The following ZFAND3 variants were observed in gnomAD, a reference collection of about 807,000 sequenced individuals.
ZFAND3 encodes zinc finger AN1-type containing 3.
In ZFAND3, 10 loss-of-function variants were observed where a neutral mutation model predicts 29.6. The observed-to-expected ratio is 0.34, with a 90% CI of 0.21 to 0.57. The LOEUF is 0.57. Among genes scored for constraint, ZFAND3 ranks in the 20% least tolerant of loss-of-function variants. The probability of loss-of-function intolerance (pLI) is 0.86; values close to 1 mark genes in which losing one functional copy is unlikely to be tolerated. For synonymous variants in ZFAND3, 128 were observed against 112.6 expected (o/e 1.14, Z -0.87); for missense variants, 230 against 304.5 (o/e 0.76, Z 1.82).
At position 37,949,417 on chromosome 6, in the gene ZFAND3, T is replaced by TG. The variant is rs71542152; in HGVS notation, c.112+19425dup. ...GAAAACTCCTGTGACCAAATGTGTG[T>TG]GGGGGGGTCTCTCCCCACCACCAAG... On this transcript the variant is annotated intron_variant, in intron 2 of 5. Transcript: ENST00000287218. Among the ~76,000 whole-genome samples, 12 of 152,020 alleles carry TG rather than the reference T, an allele frequency of 7.9e-5. 2 individuals carry two copies. The highest frequency in any genetic ancestry group is 3.9e-4 in the Admixed American group (6 of 15,268).
At chr6:38,129,830 G>C (rs1294589686) in intron 5 of ZFAND3, among the ~76,000 whole-genome samples, 2 of 151,432 alleles carry the variant, frequency 1.3e-5, no homozygotes, top group East Asian at 3.9e-4. Flanking sequence ...GTGAATTTTA[G>C]GATTGTTTTT....
At chr6:37,896,074 A>G (rs1445327406) in intron 1 of ZFAND3, among the ~76,000 whole-genome samples, 2 of 152,208 alleles carry the variant, frequency 1.3e-5, no homozygotes, top group African/African-American at 4.8e-5. Context: ...AGATGTCATC[A>G]TAATGGTTAT....
chr6:37,949,361 A>C (rs557662656), intron 2 of ZFAND3, among the ~76,000 whole-genome samples: 10 of 151,740 alleles, frequency 6.6e-5, no homozygotes, highest in Admixed American at 6.6e-4. Flanking sequence ...TTTTTCCTCT[A>C]CTCTCACACC....
intron 5 of ZFAND3, among the ~76,000 whole-genome samples, chr6:38,148,858 C>G (rs1231771861): frequency 6.6e-6 from 1 of 152,160 alleles, no homozygotes; most frequent in Non-Finnish European, 1.5e-5. Context: ...GACATAACTT[C>G]CTCTTAGTGA....
intron 4 of ZFAND3, among the ~76,000 whole-genome samples, chr6:38,086,468 A>G (rs1764759841): frequency 6.6e-6 from 1 of 152,204 alleles, no homozygotes; most frequent in African/African-American, 2.4e-5. Flanking sequence ...AGCACATCAT[A>G]CCTTCAGATT....
intron 2 of ZFAND3, among the ~76,000 whole-genome samples, chr6:37,955,304 G>A (rs1052225563): frequency 9.2e-5 from 14 of 152,252 alleles, no homozygotes; most frequent in African/African-American, 3.4e-4. Flanking sequence ...AAGTCCTCCA[G>A]ATCATCTTTA....
rs11448512 is a variant in ZFAND3 at position 37,902,737 on chromosome 6, C to CTTTTTTTTT, written c.72-27207_72-27199dup. 6.0e-5 allele frequency among the ~76,000 whole-genome samples: 6 copies of CTTTTTTTTT among 100,444 alleles called. No individual in the cohort carries two copies. The East Asian group carries it at 1.0e-3, about 18-fold the overall frequency. 65.9% of individuals were successfully genotyped at this position (100,444 alleles called of 152,430 possible). On this transcript the variant is annotated intron_variant, in intron 1 of 5. Transcript: ENST00000287218. ...TGCAGCAGCAAGCTTCTTTTACTTACTTTTTTTTTTTTTTTTTTTTTTTAA... is the reference window on the plus strand; with the variant it reads ...TGCAGCAGCAAGCTTCTTTTACTTACTTTTTTTTTTTTTTTTTTTTTTTTTTTTTTTTAA...
Position 37,820,831 on chromosome 6 carries a change from T to C in ZFAND3, c.71+815T>C, listed in dbSNP as rs549882941. Reference sequence around the variant, plus strand: ...CCATCATGTGTTAAGGCGAAAAAAATGTGAGGTGGGAAATCAGCTCCTCTT... The same window carrying C: ...CCATCATGTGTTAAGGCGAAAAAAACGTGAGGTGGGAAATCAGCTCCTCTT... On this transcript the variant is annotated intron_variant, in intron 1 of 5. Coordinates refer to ENST00000287218, the MANE Select transcript of ZFAND3 (RefSeq NM_021943.3). Among the ~76,000 whole-genome samples, 128 of 152,190 alleles carry C rather than the reference T, an allele frequency of 8.4e-4. 1 individual carries two copies. Among genetic ancestry groups the C allele is most frequent in the African/African-American group, 3.0e-3 (126 of 41,488 alleles).
rs1761604036 is a variant in ZFAND3 at position 37,931,914 on chromosome 6, TAAAAG to T, written c.112+1924_112+1928del. On this transcript the variant is annotated intron_variant, in intron 2 of 5. Coordinates refer to ENST00000287218, the MANE Select transcript of ZFAND3 (RefSeq NM_021943.3). ...GGAATTTGTCAGATACTTAGGTTTT[TAAAAG>T]AAAAGAAATATTGGTGGGTTTTTAT... Among the ~76,000 whole-genome samples, 3 of 152,320 alleles carry T rather than the reference TAAAAG, an allele frequency of 2.0e-5. No homozygotes were observed. In the East Asian group the frequency reaches 5.8e-4, roughly 29 times the overall value.
chr6:38,131,083 A>G (rs116109436), intron 5 of ZFAND3, among the ~76,000 whole-genome samples: 275 of 152,210 alleles, frequency 1.8e-3, no homozygotes, highest in African/African-American at 6.3e-3. Context: ...AGGTTTTTCT[A>G]GTTTATGTGC....
intron 1 of ZFAND3, among the ~76,000 whole-genome samples, chr6:37,906,038 T>A (rs1021012625): frequency 6.6e-6 from 1 of 152,166 alleles, no homozygotes; most frequent in Non-Finnish European, 1.5e-5. Context: ...TAAATTATGG[T>A]ATAATACTTA....
At chr6:38,093,559 G>A (rs1389107892) in intron 4 of ZFAND3, among the ~76,000 whole-genome samples, 1 of 152,144 alleles carries the variant, frequency 6.6e-6, no homozygotes, top group Non-Finnish European at 1.5e-5. Context: ...AGAAAGAGGA[G>A]CCAGTGAGTT....
chr6:38,119,184 A>G (rs949819902), intron 5 of ZFAND3, among the ~76,000 whole-genome samples: 28 of 152,196 alleles, frequency 1.8e-4, no homozygotes, highest in Admixed American at 1.3e-4. Context: ...CATGCCATAA[A>G]AAAGTCTGGG....
intron 1 of ZFAND3, among the ~76,000 whole-genome samples, chr6:37,876,682 G>A (rs1764799355): frequency 6.6e-6 from 1 of 152,188 alleles, no homozygotes; most frequent in Non-Finnish European, 1.5e-5. Context: ...CTGACATGGT[G>A]TGTGTCTTAG....
intron 1 of ZFAND3, among the ~76,000 whole-genome samples, chr6:37,842,755 G>A (rs1283496639): frequency 6.6e-6 from 1 of 152,008 alleles, no homozygotes; most frequent in African/African-American, 2.4e-5. Flanking sequence ...AGATACCCTG[G>A]CCCTATGAGC....
At chr6:38,144,231 A>ATATAATATATATATATAT (rs1365246829) in intron 5 of ZFAND3, among the ~76,000 whole-genome samples, 3 of 75,252 alleles carry the variant, frequency 4.0e-5, no homozygotes, top group African/African-American at 1.3e-4. Context: ...ATATATATAT[A>ATATAATATATATATATAT]TTTTTTTTTT....
intron 4 of ZFAND3, among the ~76,000 whole-genome samples, chr6:38,115,250 G>A (rs189597647): frequency 4.0e-4 from 61 of 151,208 alleles, no homozygotes; most frequent in Non-Finnish European, 6.1e-4. Flanking sequence ...TCAGACAGAG[G>A]GAATAGAAGG....
At chr6:38,151,905 C>T (rs1766234359) in intron 5 of ZFAND3, among the ~76,000 whole-genome samples, 1 of 152,150 alleles carries the variant, frequency 6.6e-6, no homozygotes, top group Admixed American at 6.5e-5. Flanking sequence ...ACAGCCTGTG[C>T]TCTTCCGCCT....
intron 1 of ZFAND3, among the ~76,000 whole-genome samples, chr6:37,860,461 T>G (rs1011909191): frequency 6.6e-6 from 1 of 151,996 alleles, no homozygotes; most frequent in African/African-American, 2.4e-5. Flanking sequence ...AGACAGTGAG[T>G]TAGGAAAAGC....
Sources: allele counts gnomAD v4.1 joint callset (sites outside exome capture counted in the v4.1 genomes callset), GRCh38; gene constraint gnomAD v4.1.1; transcripts MANE v1.5; gene names NCBI Gene and HGNC (gene_info 2026-07-23, HGNC 2026-07-21).